KCNH8: variants seen among roughly 807,000 people sequenced by gnomAD.
The protein encoded by KCNH8 is potassium voltage-gated channel subfamily H member 8.
In KCNH8, 70 loss-of-function variants were observed where a neutral mutation model predicts 103.6. That is an observed-to-expected ratio of 0.68 (90% CI 0.56 to 0.82). The LOEUF (loss-of-function observed/expected upper bound fraction) is 0.82. Among genes scored for constraint, KCNH8 ranks in the 40% least tolerant of loss-of-function variants. The pLI, the probability that KCNH8 is intolerant of heterozygous loss-of-function variation, is 0.00. For synonymous variants in KCNH8, 498 were observed against 489.4 expected, an observed-to-expected ratio of 1.02 and a Z score of -0.23; for missense variants, 1,217 against 1,329.9, an observed-to-expected ratio of 0.92 and a Z score of 1.32.
At chr3:19,354,044 T>C (rs1311210432) in intron 5 of KCNH8, among the ~76,000 whole-genome samples, 2 of 152,178 alleles carry the variant, frequency 1.3e-5, no homozygotes, top group African/African-American at 4.8e-5. Context: ...AGTCTCAGAA[T>C]ACAAAATCAA....
intron 2 of KCNH8, among the ~76,000 whole-genome samples, chr3:19,257,293 C>A (rs767952533): frequency 6.6e-6 from 1 of 152,008 alleles, no homozygotes; most frequent in East Asian, 1.9e-4. Flanking sequence ...CCTGACCTTA[C>A]AGAAAAAGTG....
chr3:19,354,139 A>G (rs150808818), intron 5 of KCNH8, among the ~76,000 whole-genome samples: 14 of 152,310 alleles, frequency 9.2e-5, no homozygotes, highest in African/African-American at 3.4e-4. Context: ...AATGGCTTCA[A>G]AGACAGTAAA....
At chr3:19,158,936 T>C (rs1311202416) in intron 1 of KCNH8, among the ~76,000 whole-genome samples, 2 of 151,942 alleles carry the variant, frequency 1.3e-5, no homozygotes, top group East Asian at 3.8e-4. Flanking sequence ...TTAAGACCAA[T>C]GTTAAAACAT....
chr3:19,406,709 C>T (rs1418377136), intron 7 of KCNH8, among the ~76,000 whole-genome samples: 1 of 152,092 alleles, frequency 6.6e-6, no homozygotes. Flanking sequence ...CATAGATGCA[C>T]AGGATGTTAG....
intron 3 of KCNH8, among the ~76,000 whole-genome samples, chr3:19,301,834 C>T (rs1449656257): frequency 6.6e-6 from 1 of 152,178 alleles, no homozygotes; most frequent in African/African-American, 2.4e-5. Flanking sequence ...TGATAATTTG[C>T]TATAGCTACT....
intron 1 of KCNH8, among the ~76,000 whole-genome samples, chr3:19,176,393 G>GC (rs1008793305): frequency 6.6e-6 from 1 of 152,206 alleles, no homozygotes; most frequent in African/African-American, 2.4e-5. Flanking sequence ...ATTCAACGGA[G>GC]ACCTTTCTAG....
At chr3:19,514,525 G>A (rs1026987355) in intron 13 of KCNH8, among the ~76,000 whole-genome samples, 3 of 151,518 alleles carry the variant, frequency 2.0e-5, no homozygotes, top group African/African-American at 7.3e-5. Flanking sequence ...AATATTTTGA[G>A]GACATACATC....
intron 5 of KCNH8, among the ~76,000 whole-genome samples, chr3:19,349,541 C>G (rs939878584): frequency 4.0e-4 from 61 of 152,116 alleles, no homozygotes; most frequent in African/African-American, 1.3e-3. Flanking sequence ...ACTTCATCAT[C>G]TTATTGTTAT....
At chr3:19,524,503 T>C (rs1214374132) in intron 15 of KCNH8, among the ~76,000 whole-genome samples, 1 of 151,922 alleles carries the variant, frequency 6.6e-6, no homozygotes, top group African/African-American at 2.4e-5. Context: ...TTCCAGTTCT[T>C]AAGCCTGTAT....
At chr3:19,170,808 ATAT>A (rs776777303) in intron 1 of KCNH8, among the ~76,000 whole-genome samples, 1,286 of 100,040 alleles carry the variant, frequency 0.013, 10 homozygotes, top group Non-Finnish European at 0.017. Flanking sequence ...ATATATATAT[ATAT>A]TTTTTTTTTT....
At chr3:19,409,578 A>G (rs1334229770) in intron 7 of KCNH8, among the ~76,000 whole-genome samples, 1 of 152,164 alleles carries the variant, frequency 6.6e-6, no homozygotes, top group Non-Finnish European at 1.5e-5. Flanking sequence ...GTAGTAAGTT[A>G]GATAAGAAAA....
At chr3:19,256,615 G>A (rs1160508795) in intron 2 of KCNH8, among the ~76,000 whole-genome samples, 1 of 151,882 alleles carries the variant, frequency 6.6e-6, no homozygotes, top group Non-Finnish European at 1.5e-5. Context: ...AAATCTATAT[G>A]AGTATTTTTC....
intron 8 of KCNH8, chr3:19,449,024 T>A: frequency 8.2e-7 from 1 of 1,219,186 alleles, no homozygotes; most frequent in Non-Finnish European, 1.1e-6. Context: ...GAGTGCAAAA[T>A]CCTGTCATAC....
rs1224419522 is a variant in KCNH8, at chr3:19,289,547, A to G, written c.442+8218A>G. ...GATCAGATAGTTGTAGATATGCAGC[A>G]TTATTTCTGAGGGCTCTGTTCTGTT... On this transcript the variant is annotated intron_variant, in intron 3 of 15. Transcript: ENST00000328405. Among the ~76,000 whole-genome samples, 3 of 152,156 alleles carry G rather than the reference A, an allele frequency of 2.0e-5. No homozygotes were observed. In the East Asian group the frequency reaches 5.8e-4, roughly 29 times the overall value.
chr3:19,167,266 G>A lies in KCNH8; in HGVS notation c.76+18471G>A, dbSNP rs145773576. On this transcript the variant is annotated intron_variant, in intron 1 of 15. Transcript: ENST00000328405. The stretch of plus-strand genomic sequence containing the variant: ...TATTGTTACCAAAAAGGGTTGATGA[G>A]GGAATTGAAAAGATTTAAATAATTG... Among the ~76,000 whole-genome samples, 12 of 152,276 alleles carry A rather than the reference G, an allele frequency of 7.9e-5. No individual in the cohort carries two copies. In the East Asian group the frequency reaches 2.3e-3, roughly 29 times the overall value.
chr3:19,277,782 A>G (rs1458539143), intron 2 of KCNH8, among the ~76,000 whole-genome samples: 1 of 152,146 alleles, frequency 6.6e-6, no homozygotes, highest in Non-Finnish European at 1.5e-5. Context: ...TTTTCTCTCC[A>G]CAATTGTATT....
At chr3:19,275,871 C>T (rs962731499) in intron 2 of KCNH8, among the ~76,000 whole-genome samples, 7 of 151,952 alleles carry the variant, frequency 4.6e-5, no homozygotes, top group Non-Finnish European at 8.8e-5. Context: ...AGTGAAAAGC[C>T]GTCAGGTGTT....
chr3:19,152,659 G>A (rs2063141993), intron 1 of KCNH8, among the ~76,000 whole-genome samples: 2 of 152,196 alleles, frequency 1.3e-5, no homozygotes, highest in Non-Finnish European at 2.9e-5. Context: ...ATTGATGCTG[G>A]GCGCAGTGGC....
At chr3:19,418,890 C>G (rs1249825597) in intron 7 of KCNH8, among the ~76,000 whole-genome samples, 1 of 152,166 alleles carries the variant, frequency 6.6e-6, no homozygotes, top group African/African-American at 2.4e-5. Context: ...TTTATACTTG[C>G]ACTAATGAAA....
Sources: allele counts gnomAD v4.1 joint callset (sites outside exome capture counted in the v4.1 genomes callset), GRCh38; gene constraint gnomAD v4.1.1; transcripts MANE v1.5; gene names NCBI Gene and HGNC (gene_info 2026-07-23, HGNC 2026-07-21).